KLRG1: variants seen among roughly 807,000 people sequenced by gnomAD.
The protein encoded by KLRG1 is killer cell lectin like receptor G1, also known as killer cell lectin-like receptor subfamily G member 1.
KLRG1 carries 16 observed loss-of-function variants against 21.8 expected under a neutral mutation model. The observed-to-expected ratio is 0.73, with a 90% CI of 0.50 to 1.11. The LOEUF is 1.11. Ranked by LOEUF, KLRG1 falls within the 50% of genes most tolerant of loss-of-function variation. KLRG1 has a pLI of 0.00. For synonymous variants in KLRG1, 69 were observed against 75.9 expected, an observed-to-expected ratio of 0.91 and a Z score of 0.47; for missense variants, 173 against 218.3, an observed-to-expected ratio of 0.79 and a Z score of 1.31.
the KLRG1 span, chr12:9,116,003 T>C: frequency 1.4e-6 from 1 of 693,120 alleles, no homozygotes; most frequent in African/African-American, 1.8e-5. Context: ...TAAACAAAGT[T>C]GAGGTCTCTG....
the KLRG1 span, among the ~76,000 whole-genome samples, chr12:9,163,964 A>G: frequency 6.6e-6 from 1 of 152,212 alleles, no homozygotes; most frequent in Admixed American, 6.5e-5. Context: ...TCTGGGGACT[A>G]GCTTGGGTGA....
the KLRG1 span, among the ~76,000 whole-genome samples, chr12:9,204,853 G>A: frequency 6.6e-6 from 1 of 152,128 alleles, no homozygotes; most frequent in African/African-American, 2.4e-5. Flanking sequence ...CCGGCACTTT[G>A]GGAGGCTGAG....
chr12:9,185,848 A>C, the KLRG1 span, among the ~76,000 whole-genome samples: 1 of 60,990 alleles, frequency 1.6e-5, no homozygotes, highest in Admixed American at 2.1e-4. Context: ...TCACTCTGTC[A>C]CCAGGCTGGA....
In KLRG1 at chr12:8,984,356, C is replaced by A. The variant is rs757539812; in HGVS notation, c.-155-7850C>A. On this transcript the variant is annotated intron_variant, in intron 1 of 4. Coordinates refer to the KLRG1 transcript ENST00000539240. ...CAGCTGGGACTATAGGCATGTGCCG[C>A]CAGGCCAGGCTAATGTTTTATATTT... Among the ~76,000 whole-genome samples, 5 of 152,244 alleles carry A rather than the reference C, an allele frequency of 3.3e-5. No homozygotes were observed. The South Asian group carries it at 6.2e-4, about 19-fold the overall frequency.
chr12:8,988,114 A>C (rs747445315), upstream of KLRG1, among the ~76,000 whole-genome samples: 1 of 152,330 alleles, frequency 6.6e-6, no homozygotes, highest in South Asian at 2.1e-4. Flanking sequence ...ACAGACATAC[A>C]GTGAATTCCT....
the KLRG1 span, among the ~76,000 whole-genome samples, chr12:9,060,105 A>C: frequency 9.0e-3 from 1,335 of 148,490 alleles, 53 homozygotes; most frequent in Admixed American, 0.066. Flanking sequence ...CCTGGGTTCA[A>C]GCCATTCTGC....
rs745316819 is a variant in KLRG1, at chr12:8,967,894, T to C, written c.-156+17658T>C. 2.0e-5 allele frequency among the ~76,000 whole-genome samples: 3 copies of C among 148,080 alleles called. No homozygotes were observed. The Admixed American group carries it at 2.0e-4, about 10-fold the overall frequency. On this transcript the variant is annotated intron_variant, in intron 1 of 4. Coordinates refer to the KLRG1 transcript ENST00000539240. Reference sequence around the variant, plus strand: ...TTTGAAAGCAGAATGTGACTAAAGATGTGCAATGGAGAACCTAGAGCAATC... The same window carrying C: ...TTTGAAAGCAGAATGTGACTAAAGACGTGCAATGGAGAACCTAGAGCAATC...
the KLRG1 span, among the ~76,000 whole-genome samples, chr12:9,032,014 C>G: frequency 6.6e-6 from 1 of 152,162 alleles, no homozygotes; most frequent in Non-Finnish European, 1.5e-5. Flanking sequence ...AAATACTAAT[C>G]TCTAGTGGAA....
At chr12:9,077,225 T>C in the KLRG1 span, 1 of 977,426 alleles carries the variant, frequency 1.0e-6, no homozygotes, top group Non-Finnish European at 1.5e-6. Context: ...TGGGAAGCAC[T>C]GGCATTGCAT....
chr12:8,987,295 A>AGG (rs1946858012), upstream of KLRG1: 1 of 152,188 alleles, frequency 6.6e-6, no homozygotes, highest in South Asian at 2.1e-4. Flanking sequence ...TCAGGTTACA[A>AGG]GGGTGGGGCC....
the KLRG1 span, among the ~76,000 whole-genome samples, chr12:9,061,540 G>A: frequency 1.3e-5 from 2 of 152,106 alleles, no homozygotes; most frequent in Non-Finnish European, 2.9e-5. Context: ...ATGGTCAGTC[G>A]TGGTGACTCA....
the KLRG1 span, among the ~76,000 whole-genome samples, chr12:9,208,580 A>G: frequency 6.6e-6 from 1 of 152,132 alleles, no homozygotes; most frequent in Admixed American, 6.5e-5. Flanking sequence ...GGAAGATAAA[A>G]TTTGTATTCC....
chr12:9,206,106 C>G, the KLRG1 span, among the ~76,000 whole-genome samples: 1 of 152,128 alleles, frequency 6.6e-6, no homozygotes, highest in African/African-American at 2.4e-5. Flanking sequence ...TCTCTTATGT[C>G]TTAATCTTTT....
the KLRG1 span, among the ~76,000 whole-genome samples, chr12:9,185,667 A>C: frequency 6.6e-6 from 1 of 152,104 alleles, no homozygotes; most frequent in Non-Finnish European, 1.5e-5. Context: ...TGAAAAAAAA[A>C]AAATGTTAAA....
At chr12:9,161,159 T>G in the KLRG1 span, 1 of 1,438,166 alleles carries the variant, frequency 7.0e-7, no homozygotes, top group South Asian at 1.3e-5. Context: ...ACATCTATGA[T>G]TACAATATAA....
the KLRG1 span, chr12:9,115,585 G>A: frequency 5.3e-6 from 3 of 564,724 alleles, no homozygotes; most frequent in African/African-American, 3.8e-5. Context: ...CAGAGAGTTG[G>A]GGAAGAATGA....
At chr12:8,992,626 A>C (rs1947007266) in intron 2 of KLRG1, among the ~76,000 whole-genome samples, 1 of 152,180 alleles carries the variant, frequency 6.6e-6, no homozygotes, top group African/African-American at 2.4e-5. Context: ...CTTAGGCTCA[A>C]GTGATCCACC....
At chr12:9,130,723 A>G in the KLRG1 span, among the ~76,000 whole-genome samples, 1 of 151,670 alleles carries the variant, frequency 6.6e-6, no homozygotes, top group African/African-American at 2.4e-5. Flanking sequence ...TATTCTTTGT[A>G]AATTTTTTTT....
At chr12:9,161,407 G>A in the KLRG1 span, among the ~76,000 whole-genome samples, 1 of 152,184 alleles carries the variant, frequency 6.6e-6, no homozygotes, top group Non-Finnish European at 1.5e-5. Context: ...AACTCTGGGT[G>A]CAAGGAATAA....
Sources: allele counts gnomAD v4.1 joint callset (sites outside exome capture counted in the v4.1 genomes callset), GRCh38; gene constraint gnomAD v4.1.1; transcripts MANE v1.5; gene names NCBI Gene and HGNC (gene_info 2026-07-23, HGNC 2026-07-21).